The following CAMK1D variants were observed in gnomAD, a reference collection of about 807,000 sequenced individuals.
CAMK1D encodes the protein calcium/calmodulin-dependent protein kinase type 1D.
A neutral mutation model predicts 47.7 loss-of-function variants in CAMK1D; 9 were observed. That is an observed-to-expected ratio of 0.19 (90% CI 0.11 to 0.33). CAMK1D has a LOEUF of 0.33. CAMK1D is among the 10% of genes least tolerant of loss of function. The pLI is 1.00. For synonymous variants in CAMK1D, 184 were observed against 184.9 expected (o/e 0.99, Z 0.04); for missense variants, 291 against 488.7 (o/e 0.60, Z 3.81).
intron 2 of CAMK1D, among the ~76,000 whole-genome samples, chr10:12,585,714 C>G (rs968166209): frequency 5.9e-5 from 9 of 152,046 alleles, no homozygotes; most frequent in Admixed American, 6.5e-5. Context: ...CCCCATGATT[C>G]AATTATCTCC....
intron 3 of CAMK1D, among the ~76,000 whole-genome samples, chr10:12,749,566 G>GT (rs796640778): frequency 0.049 from 5,784 of 118,846 alleles, 488 homozygotes; most frequent in African/African-American, 0.2. Flanking sequence ...TTGTTTGTTT[G>GT]TTTGTTTGTT....
At chr10:12,749,569 TG>T (rs761571771) in intron 3 of CAMK1D, among the ~76,000 whole-genome samples, 16,553 of 139,766 alleles carry the variant, frequency 0.12, 1,476 homozygotes, top group African/African-American at 0.26. Context: ...TTTGTTTGTT[TG>T]TTTGTTTTGA....
intron 1 of CAMK1D, among the ~76,000 whole-genome samples, chr10:12,502,828 C>T (rs1834746712): frequency 6.6e-6 from 1 of 152,156 alleles, no homozygotes; most frequent in Admixed American, 6.5e-5. Context: ...GTGCCTGCGA[C>T]CCTGGAAGGT....
intron 4 of CAMK1D, among the ~76,000 whole-genome samples, chr10:12,765,769 C>T (rs377714628): frequency 1.4e-4 from 22 of 152,106 alleles, no homozygotes; most frequent in South Asian, 8.3e-4. Flanking sequence ...GGGTCCCAAG[C>T]GGGTTTCCGG....
At chr10:12,767,288 C>T (rs1386490804) in intron 4 of CAMK1D, among the ~76,000 whole-genome samples, 1 of 152,150 alleles carries the variant, frequency 6.6e-6, no homozygotes, top group Admixed American at 6.5e-5. Flanking sequence ...AGTGATTCTC[C>T]TGCCTCAGCC....
At chr10:12,439,052 C>T (rs953780367) in intron 1 of CAMK1D, among the ~76,000 whole-genome samples, 3 of 152,104 alleles carry the variant, frequency 2.0e-5, no homozygotes, top group Non-Finnish European at 2.9e-5. Flanking sequence ...GTCATTTGCC[C>T]GTCACGTGTG....
chr10:12,492,874 C>G (rs1404380390), intron 1 of CAMK1D, among the ~76,000 whole-genome samples: 1 of 152,104 alleles, frequency 6.6e-6, no homozygotes, highest in Non-Finnish European at 1.5e-5. Flanking sequence ...GACTGTCTGT[C>G]GTTACTTTCT....
At chr10:12,715,100 G>A (rs1017675034) in intron 3 of CAMK1D, among the ~76,000 whole-genome samples, 6 of 151,846 alleles carry the variant, frequency 4.0e-5, no homozygotes, top group Non-Finnish European at 8.8e-5. Flanking sequence ...CCCCTCAGAC[G>A]CCCCCTACAC....
intron 1 of CAMK1D, among the ~76,000 whole-genome samples, chr10:12,427,808 A>G (rs1840304241): frequency 7.1e-6 from 1 of 141,572 alleles, no homozygotes; most frequent in Non-Finnish European, 1.5e-5. Context: ...CCCGGGTTCA[A>G]GCGATTCTCC....
chr10:12,583,448 C>A (rs1007369015), intron 2 of CAMK1D, among the ~76,000 whole-genome samples: 13 of 152,008 alleles, frequency 8.6e-5, no homozygotes, highest in Non-Finnish European at 1.9e-4. Context: ...TAGGAAAATC[C>A]CTTAAATTTG....
chr10:12,439,056 A>G (rs1474591148), intron 1 of CAMK1D, among the ~76,000 whole-genome samples: 1 of 152,166 alleles, frequency 6.6e-6, no homozygotes, highest in East Asian at 1.9e-4. Flanking sequence ...TTTGCCCGTC[A>G]CGTGTGGGAG....
intron 6 of CAMK1D, 151 bp downstream of exon 6, chr10:12,791,384 T>C: frequency 1.6e-6 from 1 of 641,504 alleles, no homozygotes; most frequent in Non-Finnish European, 2.7e-6. Context: ...TGGCATTAAG[T>C]CCATTCACAG....
intron 1 of CAMK1D, among the ~76,000 whole-genome samples, chr10:12,504,674 A>G (rs1261802251): frequency 6.6e-6 from 1 of 152,218 alleles, no homozygotes; most frequent in African/African-American, 2.4e-5. Context: ...CATGGTGTTC[A>G]ACCTAGAAAG....
intron 1 of CAMK1D, among the ~76,000 whole-genome samples, chr10:12,362,519 A>T (rs1296859785): frequency 6.6e-6 from 1 of 152,188 alleles, no homozygotes; most frequent in South Asian, 2.1e-4. Flanking sequence ...TTTGTTTGAG[A>T]TGGAGTCTCG....
At chr10:12,785,519 TCTCCAGGCAGCACTGG>T (rs1399766060) in intron 5 of CAMK1D, among the ~76,000 whole-genome samples, 1 of 152,100 alleles carries the variant, frequency 6.6e-6, no homozygotes, top group Non-Finnish European at 1.5e-5. Flanking sequence ...CTCTCGGGTA[TCTCCAGGCAGCACTGG>T]CCAGGAGATG....
chr10:12,539,478 C>T lies in CAMK1D; in HGVS notation c.93-13747C>T, dbSNP rs116700469. ...ATTAATCATGAACATTCTGTCCCGTCGTTGCTTCACCATTCAGGTTTTGCC... is the reference window on the plus strand; with the variant it reads ...ATTAATCATGAACATTCTGTCCCGTTGTTGCTTCACCATTCAGGTTTTGCC... On this transcript the variant is annotated intron_variant, in intron 1 of 10. Transcript: ENST00000619168. 5.0e-3 allele frequency among the ~76,000 whole-genome samples: 757 copies of T among 152,276 alleles called. 10 individuals are homozygous for T. Among genetic ancestry groups the T allele is most frequent in the African/African-American group, 0.017 (713 of 41,560 alleles).
At chr10:12,515,364 C>G (rs1292785309) in intron 1 of CAMK1D, among the ~76,000 whole-genome samples, 1 of 149,394 alleles carries the variant, frequency 6.7e-6, no homozygotes, top group Non-Finnish European at 1.5e-5. Flanking sequence ...CCTCGGCAGC[C>G]TTTCTCTATA....
chr10:12,739,104 G>A (rs112377896), intron 3 of CAMK1D, among the ~76,000 whole-genome samples: 1 of 151,998 alleles, frequency 6.6e-6, no homozygotes, highest in African/African-American at 2.4e-5. Flanking sequence ...AGGCGTGGTG[G>A]TGTGTACTTG....
intron 3 of CAMK1D, among the ~76,000 whole-genome samples, chr10:12,721,854 C>T (rs113249383): frequency 0.018 from 2,674 of 152,242 alleles, 65 homozygotes; most frequent in African/African-American, 0.046. Context: ...TCAGAATTAC[C>T]ACTGTAGACC....
Sources: gnomAD v4.1 joint callset for allele counts (sites outside exome capture counted in the v4.1 genomes callset) on GRCh38, gnomAD v4.1.1 for gene constraint, MANE v1.5 for transcripts, NCBI Gene and HGNC (gene_info 2026-07-23, HGNC 2026-07-21) for gene names.